Variants in ADAMTS3 observed in about 807,000 individuals in gnomAD.
ADAMTS3 encodes the protein A disintegrin and metalloproteinase with thrombospondin motifs 3.
ADAMTS3 carries 73 observed loss-of-function variants against 129.0 expected under a neutral mutation model. That is an observed-to-expected ratio of 0.57 (90% CI 0.47 to 0.69). The LOEUF (loss-of-function observed/expected upper bound fraction) is 0.69, where lower values mean the gene tolerates loss of function less well. Ranked by LOEUF, ADAMTS3 falls within the 30% of genes least tolerant of loss-of-function variation. ADAMTS3 has a pLI of 0.00. For missense variants in ADAMTS3, 1,457 were observed against 1,514.5 expected, an observed-to-expected ratio of 0.96 and a Z score of 0.63; for synonymous variants, 477 against 510.8, an observed-to-expected ratio of 0.93 and a Z score of 0.89.
chr4:72,405,236 CA>C (rs1722021625), intron 4 of ADAMTS3, among the ~76,000 whole-genome samples: 3 of 152,176 alleles, frequency 2.0e-5, no homozygotes, highest in Admixed American at 2.0e-4. Flanking sequence ...GAAATATTTG[CA>C]ACCTGGTGTT....
At chr4:72,291,838 A>C (rs1381276337) in intron 19 of ADAMTS3, among the ~76,000 whole-genome samples, 2 of 152,170 alleles carry the variant, frequency 1.3e-5, no homozygotes, top group Non-Finnish European at 2.9e-5. Context: ...TGACTTCCAC[A>C]ATGGTTGAAC....
At chr4:72,505,895 A>G (rs1308661176) in intron 3 of ADAMTS3, among the ~76,000 whole-genome samples, 1 of 152,178 alleles carries the variant, frequency 6.6e-6, no homozygotes, top group East Asian at 1.9e-4. Flanking sequence ...GGTGCTCCAA[A>G]TGCTTGGAAA....
At chr4:72,296,121 C>T (rs928736851) in intron 18 of ADAMTS3, among the ~76,000 whole-genome samples, 20 of 151,918 alleles carry the variant, frequency 1.3e-4, no homozygotes, top group African/African-American at 4.8e-4. Flanking sequence ...ATGTAAATAA[C>T]TTACAGTAGA....
At chr4:72,365,490 T>C (rs1720847758) in intron 4 of ADAMTS3, among the ~76,000 whole-genome samples, 1 of 152,212 alleles carries the variant, frequency 6.6e-6, no homozygotes, top group South Asian at 2.1e-4. Flanking sequence ...GAGAGATCCC[T>C]GAAGGCAAGG....
chr4:72,523,828 A>G (rs1443606429), intron 3 of ADAMTS3, among the ~76,000 whole-genome samples: 1 of 152,140 alleles, frequency 6.6e-6, no homozygotes. Context: ...ATGCAAGATT[A>G]TATGTCTATT....
At chr4:72,288,957 CA>C (rs1718587911) in intron 20 of ADAMTS3, 89 bp from the exon 21 acceptor site, 2 of 772,082 alleles carry the variant, frequency 2.6e-6, no homozygotes, top group African/African-American at 3.4e-5. Context: ...CACACACACA[CA>C]CACACACACA....
chr4:72,532,683 T>C (rs923911339), intron 3 of ADAMTS3, among the ~76,000 whole-genome samples: 1 of 152,124 alleles, frequency 6.6e-6, no homozygotes, highest in African/African-American at 2.4e-5. Context: ...TCCTACTACA[T>C]ACCTACTACA....
At chr4:72,483,151 A>G (rs1719484637) in intron 3 of ADAMTS3, among the ~76,000 whole-genome samples, 1 of 152,106 alleles carries the variant, frequency 6.6e-6, no homozygotes, top group Admixed American at 6.5e-5. Context: ...GATCCTAACC[A>G]ATGTAATGAG....
chr4:72,484,724 G>C (rs913092421), intron 3 of ADAMTS3, among the ~76,000 whole-genome samples: 1 of 152,188 alleles, frequency 6.6e-6, no homozygotes, highest in African/African-American at 2.4e-5. Context: ...AGTGTGCAGA[G>C]TGGTGGTGAG....
intron 3 of ADAMTS3, among the ~76,000 whole-genome samples, chr4:72,520,995 CT>C (rs1286025636): frequency 3.2e-4 from 49 of 151,354 alleles, no homozygotes; most frequent in African/African-American, 1.2e-3. Context: ...CTCCTCCCCA[CT>C]TTTTTTCTTT....
At chr4:72,351,862 G>A (rs1012626283) in intron 4 of ADAMTS3, among the ~76,000 whole-genome samples, 3 of 151,924 alleles carry the variant, frequency 2.0e-5, no homozygotes, top group South Asian at 2.1e-4. Flanking sequence ...ATCATATTTA[G>A]ATGATAGAAA....
intron 3 of ADAMTS3, among the ~76,000 whole-genome samples, chr4:72,420,110 T>C (rs1011087918): frequency 6.6e-6 from 1 of 152,080 alleles, no homozygotes; most frequent in Non-Finnish European, 1.5e-5. Flanking sequence ...AGCTCCTCTA[T>C]TCAAAACTTT....
intron 17 of ADAMTS3, among the ~76,000 whole-genome samples, chr4:72,299,356 CA>C (rs61019058): frequency 0.13 from 19,822 of 150,910 alleles, 2,778 homozygotes; most frequent in African/African-American, 0.34. Flanking sequence ...TGCACTTGTA[CA>C]AAAAAAAGTT....
intron 3 of ADAMTS3, among the ~76,000 whole-genome samples, chr4:72,503,781 A>G (rs1011556169): frequency 1.3e-5 from 2 of 152,180 alleles, no homozygotes; most frequent in African/African-American, 4.8e-5. Context: ...AGGTCCTCCA[A>G]TGTTGGATGT....
chr4:72,348,355 C>A (rs1257953095), intron 4 of ADAMTS3, among the ~76,000 whole-genome samples: 1 of 151,888 alleles, frequency 6.6e-6, no homozygotes, highest in Non-Finnish European at 1.5e-5. Context: ...ATGGAGTAAG[C>A]CACACAAATA....
intron 5 of ADAMTS3, among the ~76,000 whole-genome samples, chr4:72,325,949 T>C (rs1478343237): frequency 6.6e-6 from 1 of 152,144 alleles, no homozygotes; most frequent in Non-Finnish European, 1.5e-5. Context: ...GTCAAGAAAG[T>C]ACAATGGACA....
chr4:72,418,309 T>G (rs1420690779), intron 3 of ADAMTS3, among the ~76,000 whole-genome samples: 1 of 152,132 alleles, frequency 6.6e-6, no homozygotes, highest in African/African-American at 2.4e-5. Context: ...TCACATAGTG[T>G]GGCAGCCAAA....
chr4:72,454,100 T>A (rs1718480354), intron 3 of ADAMTS3, among the ~76,000 whole-genome samples: 1 of 151,382 alleles, frequency 6.6e-6, no homozygotes, highest in East Asian at 2.0e-4. Flanking sequence ...AGAAAGCAAC[T>A]TCAATAAAAA....
intron 3 of ADAMTS3, among the ~76,000 whole-genome samples, chr4:72,449,896 C>T (rs1253361007): frequency 6.6e-6 from 1 of 151,642 alleles, no homozygotes; most frequent in African/African-American, 2.4e-5. Context: ...GCATGTCTTC[C>T]TCACCACCCA....
Sources: gnomAD v4.1 joint callset for allele counts (sites outside exome capture counted in the v4.1 genomes callset) on GRCh38, gnomAD v4.1.1 for gene constraint, MANE v1.5 for transcripts, NCBI Gene and HGNC (gene_info 2026-07-23, HGNC 2026-07-21) for gene names.